HIF1AN: variants seen among roughly 807,000 people sequenced by gnomAD.
The protein encoded by HIF1AN is hypoxia-inducible factor 1-alpha inhibitor.
A neutral mutation model predicts 47.7 loss-of-function variants in HIF1AN; 21 were observed. That is an observed-to-expected ratio of 0.44 (90% CI 0.31 to 0.63). The LOEUF (loss-of-function observed/expected upper bound fraction) is 0.63. HIF1AN is among the 30% of genes least tolerant of loss of function. HIF1AN has a pLI of 0.07. For missense variants in HIF1AN, 320 were observed against 432.7 expected, an observed-to-expected ratio of 0.74 and a Z score of 2.31; for synonymous variants, 152 against 155.9, an observed-to-expected ratio of 0.98 and a Z score of 0.18.
At chr10:100,540,607 A>G in intron 2 of HIF1AN, 27 bp from the exon 3 acceptor site, 1 of 1,613,070 alleles carries the variant, frequency 6.2e-7, no homozygotes, top group Non-Finnish European at 8.5e-7. Context: ...GCATGCACTA[A>G]TAGGATTTTC....
intron 3 of HIF1AN, among the ~76,000 whole-genome samples, chr10:100,541,639 A>G (rs553108397): frequency 3.9e-5 from 6 of 152,276 alleles, no homozygotes; most frequent in African/African-American, 1.4e-4. Context: ...AGCTGACACT[A>G]CAGGCGTGTG....
At position 100,545,051 on chromosome 10, in the gene HIF1AN, C is replaced by T; in HGVS notation, c.678C>T (p.Cys226=). The change falls in exon 4 of 8, where the codon TGC becomes TGT. Residue 226 remains cysteine (C), a synonymous_variant. Coordinates refer to ENST00000299163, the MANE Select transcript of HIF1AN (RefSeq NM_017902.3). ...TATTCCCTCCGGATCAGTTCGAGTG[C>T]CTCTACCCATACCCTGTTCATCACC... ...CILFPPDQFE[C]LYPYPVHHPC... The T allele has an allele frequency of 6.2e-7, 1 of 1,614,196 alleles. No individual in the cohort carries two copies. Among genetic ancestry groups the T allele is most frequent in the Non-Finnish European group, 8.5e-7 (1 of 1,180,028 alleles).
At position 100,555,193 on chromosome 10, in the gene HIF1AN, G is replaced by T. The variant is rs973097788; in HGVS notation, c.*7056G>T. 1 of 152,172 alleles carries T rather than the reference G, an allele frequency of 6.6e-6. No homozygotes were observed. The highest frequency in any genetic ancestry group is 1.5e-5 in the Non-Finnish European group (1 of 68,042). The allele number at this position is 152,172 out of a possible 1,614,324, so 9.4% of individuals were successfully genotyped here. A position where few individuals can be genotyped will look rare whatever the true frequency, so the allele number is the denominator to read the frequency against. ...CTTCCCAATGCCTAAGGGTTTTGTC[G>T]TACCTTACTCCAGGGAATGGGTGAG... On this transcript the variant is annotated 3_prime_UTR_variant, in exon 8 of 8. Coordinates refer to ENST00000299163, the MANE Select transcript of HIF1AN (RefSeq NM_017902.3).
Position 100,548,273 on chromosome 10 carries a change from T to A in HIF1AN, c.*136T>A. ...CTGGACTCTTGCCATGGCCCAGGAG[T>A]CAGGTGTTTGGAGCGAGGCAGGGCA... On this transcript the variant is annotated 3_prime_UTR_variant, in exon 8 of 8. Transcript: ENST00000299163. 1 of 733,238 alleles carries A rather than the reference T, an allele frequency of 1.4e-6. No homozygotes were observed. Among genetic ancestry groups the A allele is most frequent in the Non-Finnish European group, 2.1e-6 (1 of 475,472 alleles). The allele number at this position is 733,238 out of a possible 1,614,324, so 45.4% of individuals were successfully genotyped here. A position where few individuals can be genotyped will look rare whatever the true frequency, so the allele number is the denominator to read the frequency against.
At chr10:100,538,982 T>G (rs1298687162) in intron 2 of HIF1AN, among the ~76,000 whole-genome samples, 2 of 150,546 alleles carry the variant, frequency 1.3e-5, no homozygotes, top group Admixed American at 1.3e-4. Flanking sequence ...CTCAGCTTAC[T>G]GCAACCTTCA....
At chr10:100,544,803 A>G (rs1182641465) in intron 3 of HIF1AN, 148 bp from the exon 4 acceptor site, 1 of 678,804 alleles carries the variant, frequency 1.5e-6, no homozygotes, top group African/African-American at 1.8e-5. Flanking sequence ...GAGAGTTGTA[A>G]TTGGAATTTC....
intron 1 of HIF1AN, 37 bp from the exon 2 acceptor site, chr10:100,536,374 C>G (rs1164711194): frequency 1.2e-6 from 2 of 1,606,946 alleles, no homozygotes; most frequent in African/African-American, 2.7e-5. Context: ...CTTGGCATTA[C>G]TTCATTTGGT....
chr10:100,545,251 C>T, intron 4 of HIF1AN, 155 bp downstream of exon 4: 1 of 742,146 alleles, frequency 1.3e-6, no homozygotes, highest in Non-Finnish European at 2.1e-6. Flanking sequence ...TTGTAGCTCA[C>T]ATATTCCAGG....
intron 4 of HIF1AN, chr10:100,545,621 GAA>G: frequency 3.8e-6 from 1 of 261,966 alleles, no homozygotes; most frequent in Non-Finnish European, 7.2e-6. Flanking sequence ...ATGTTTTTGG[GAA>G]AAGTTTCTGA....
At chr10:100,547,735 A>G (rs900649308) in intron 7 of HIF1AN, among the ~76,000 whole-genome samples, 2 of 152,306 alleles carry the variant, frequency 1.3e-5, no homozygotes, top group African/African-American at 4.8e-5. Context: ...CCAGTTGCAG[A>G]TGATCATTTT....
intron 2 of HIF1AN, among the ~76,000 whole-genome samples, chr10:100,539,212 G>A (rs961199750): frequency 1.2e-4 from 19 of 152,282 alleles, no homozygotes; most frequent in East Asian, 9.6e-4. Flanking sequence ...GATTACAGGC[G>A]TGAGACACCG....
rs1016507563 is a variant in HIF1AN at position 100,535,997 on chromosome 10, T to C, written c.39T>C (p.Ser13=). 2.3e-5 allele frequency: 36 copies of C among 1,565,194 alleles called. No individual in the cohort carries two copies. The highest frequency in any genetic ancestry group is 3.1e-5 in the Non-Finnish European group (36 of 1,156,516). The change falls in exon 1 of 8, where the codon TCT becomes TCC. Residue 13 remains serine, a synonymous_variant. Coordinates refer to ENST00000299163, the MANE Select transcript of HIF1AN (RefSeq NM_017902.3). Reference sequence around the variant, plus strand: ...CGGCGGAGGCTGTGGCCTCTGGCTCTGGAGAGCCCCGGGAGGAGGCTGGAG... The same window carrying C: ...CGGCGGAGGCTGTGGCCTCTGGCTCCGGAGAGCCCCGGGAGGAGGCTGGAG... ...ATAAEAVASG[S]GEPREEAGAL...
At position 100,555,858 on chromosome 10, in the gene HIF1AN, A is replaced by G. The variant is rs1006277359; in HGVS notation, c.*7721A>G. 2 of 152,250 alleles carry G rather than the reference A, an allele frequency of 1.3e-5. No individual in the cohort carries two copies. Among genetic ancestry groups the G allele is most frequent in the African/African-American group, 4.8e-5 (2 of 41,460 alleles). 9.4% of individuals were successfully genotyped at this position (152,250 alleles called of 1,614,324 possible). ...TAAGCTAAGCTTGGGCCAGGTTTTT[A>G]TTACCTCTTGAATATATATAGTGCA... On this transcript the variant is annotated 3_prime_UTR_variant, in exon 8 of 8. Coordinates refer to ENST00000299163, the MANE Select transcript of HIF1AN (RefSeq NM_017902.3).
At position 100,536,000 on chromosome 10, in the gene HIF1AN, A is replaced by G. The variant is rs2133719298; in HGVS notation, c.42A>G (p.Gly14=). The change falls in exon 1 of 8, where the codon GGA becomes GGG. Residue 14 remains glycine, a synonymous_variant. Transcript: ENST00000299163. The stretch of plus-strand genomic sequence containing the variant: ...CGGAGGCTGTGGCCTCTGGCTCTGG[A>G]GAGCCCCGGGAGGAGGCTGGAGCCC... ...TAAEAVASGS[G]EPREEAGALG... 1 of 1,565,942 alleles carries G rather than the reference A, an allele frequency of 6.4e-7. No individual in the cohort carries two copies. Among genetic ancestry groups the G allele is most frequent in the Middle Eastern group, 1.7e-4 (1 of 5,986 alleles).
Position 100,540,785 on chromosome 10 carries a change from A to G in HIF1AN, c.577+3A>G. On this transcript the variant is annotated splice_donor_region_variant and intron_variant, in intron 3 of 7. Coordinates refer to ENST00000299163, the MANE Select transcript of HIF1AN (RefSeq NM_017902.3). Reference sequence around the variant, plus strand: ...CCTGCTGCTCATTGGCATGGAAGGTAAGAAATCTTTCAAAAGCAGCATGGC... The same window carrying G: ...CCTGCTGCTCATTGGCATGGAAGGTGAGAAATCTTTCAAAAGCAGCATGGC... The G allele has an allele frequency of 1.2e-6, 2 of 1,601,806 alleles. No homozygotes were observed. Among genetic ancestry groups the G allele is most frequent in the Non-Finnish European group, 1.7e-6 (2 of 1,176,798 alleles).
chr10:100,536,716 C>G, intron 2 of HIF1AN, 55 bp downstream of exon 2: 1 of 1,594,948 alleles, frequency 6.3e-7, no homozygotes, highest in East Asian at 2.2e-5. Context: ...TTTTTCTTTC[C>G]TATACTTGTT....
At chr10:100,536,275 A>T in intron 1 of HIF1AN, 136 bp from the exon 2 acceptor site, 1 of 1,314,846 alleles carries the variant, frequency 7.6e-7, no homozygotes, top group South Asian at 1.4e-5. Context: ...GCGAGGAGAT[A>T]CGGAACTTAG....
At position 100,547,316 on chromosome 10, in the gene HIF1AN, A is replaced by AT. The variant is rs1186459652; in HGVS notation, c.1005+68dup. 3 of 908,866 alleles carry AT rather than the reference A, an allele frequency of 3.3e-6. No individual in the cohort carries two copies. In the African/African-American group the frequency reaches 4.9e-5, roughly 15 times the overall value. The allele number at this position is 908,866 out of a possible 1,614,324, so 56.3% of individuals were successfully genotyped here. ...CAAGGAAAGTCAGGATCAGAGCGAC[A>AT]TTCTTTACAGCTTCTGTGTTTCAGT... On this transcript the variant is annotated intron_variant, in intron 7 of 7. Transcript: ENST00000299163.
Position 100,551,530 on chromosome 10 carries a change from C to A in HIF1AN, c.*3393C>A. The A allele has an allele frequency of 6.6e-6, 1 of 152,220 alleles. No homozygotes were observed. The allele number at this position is 152,220 out of a possible 1,614,324, so 9.4% of individuals were successfully genotyped here. On this transcript the variant is annotated 3_prime_UTR_variant, in exon 8 of 8. Coordinates refer to ENST00000299163, the MANE Select transcript of HIF1AN (RefSeq NM_017902.3). The stretch of plus-strand genomic sequence containing the variant: ...CAAAGATTAGGGACCCAGTTGCCAG[C>A]CTGAGATGGATATAGGAACAGACAT...
Sources: gnomAD v4.1 joint callset for allele counts (sites outside exome capture counted in the v4.1 genomes callset) on GRCh38, gnomAD v4.1.1 for gene constraint, MANE v1.5 for transcripts, NCBI Gene and HGNC (gene_info 2026-07-23, HGNC 2026-07-21) for gene names.